The following CNTNAP2 variants were observed in gnomAD, a reference collection of about 807,000 sequenced individuals.
CNTNAP2 encodes the protein contactin-associated protein-like 2.
Under a neutral mutation model 155.2 loss-of-function variants are expected in CNTNAP2, and 98 were observed. The observed-to-expected ratio is 0.63, with a 90% confidence interval of 0.54 to 0.75. The LOEUF (loss-of-function observed/expected upper bound fraction) is 0.75, where lower values mean the gene tolerates loss of function less well. CNTNAP2 is among the 30% of genes least tolerant of loss of function. The pLI is 0.00. For missense variants in CNTNAP2, 1,727 were observed against 1,688.1 expected, an observed-to-expected ratio of 1.02 and a Z score of -0.40; for synonymous variants, 651 against 631.2, an observed-to-expected ratio of 1.03 and a Z score of -0.47.
At chr7:147,979,745 C>T (rs1801489429) in intron 15 of CNTNAP2, among the ~76,000 whole-genome samples, 1 of 152,112 alleles carries the variant, frequency 6.6e-6, no homozygotes, top group Non-Finnish European at 1.5e-5. Flanking sequence ...GCCTCAGCCT[C>T]CCAAGTAGCT....
intron 1 of CNTNAP2, among the ~76,000 whole-genome samples, chr7:146,523,984 G>A (rs1797652193): frequency 6.6e-6 from 1 of 152,078 alleles, no homozygotes. Flanking sequence ...AAAAGTCCGA[G>A]CAAAACTCTG....
chr7:146,830,060 C>T (rs555216703), intron 2 of CNTNAP2, among the ~76,000 whole-genome samples: 1 of 151,966 alleles, frequency 6.6e-6, no homozygotes, highest in Non-Finnish European at 1.5e-5. Context: ...TATCTTCTCC[C>T]AATCTATAGT....
intron 1 of CNTNAP2, among the ~76,000 whole-genome samples, chr7:146,763,148 G>A (rs188397678): frequency 5.0e-4 from 76 of 152,210 alleles, no homozygotes; most frequent in Non-Finnish European, 9.0e-4. Context: ...GCCACTTTCC[G>A]TCCTGTTTAC....
chr7:146,331,992 C>T (rs1465430060), intron 1 of CNTNAP2, among the ~76,000 whole-genome samples: 1 of 151,868 alleles, frequency 6.6e-6, no homozygotes, highest in African/African-American at 2.4e-5. Flanking sequence ...TCTTTAAATT[C>T]TCAGTTATTT....
chr7:146,456,837 C>T (rs113438017), intron 1 of CNTNAP2, among the ~76,000 whole-genome samples: 3,854 of 152,152 alleles, frequency 0.025, 65 homozygotes, highest in Middle Eastern at 0.051. Context: ...CATGCAACAG[C>T]CCATTTGCAA....
At chr7:146,284,727 A>T (rs1463741621) in intron 1 of CNTNAP2, among the ~76,000 whole-genome samples, 6 of 152,204 alleles carry the variant, frequency 3.9e-5, no homozygotes, top group Admixed American at 6.5e-5. Flanking sequence ...ACCTTCTTAA[A>T]GGATGATCAA....
intron 10 of CNTNAP2, among the ~76,000 whole-genome samples, chr7:147,410,908 AG>A (rs1197517966): frequency 6.6e-6 from 1 of 152,210 alleles, no homozygotes; most frequent in Non-Finnish European, 1.5e-5. Flanking sequence ...TTCTCTAGGT[AG>A]TTCCAGCTGG....
At chr7:146,919,801 T>G (rs1796465165) in intron 3 of CNTNAP2, among the ~76,000 whole-genome samples, 1 of 152,164 alleles carries the variant, frequency 6.6e-6, no homozygotes, top group African/African-American at 2.4e-5. Context: ...CCATGGAGCC[T>G]GTAGCAGCAG....
chr7:147,026,325 A>G (rs1239154955), intron 3 of CNTNAP2, among the ~76,000 whole-genome samples: 1 of 152,220 alleles, frequency 6.6e-6, no homozygotes, highest in Non-Finnish European at 1.5e-5. Context: ...GAATACTAAT[A>G]TCAAAAATAT....
At chr7:148,028,271 G>A (rs4571659) in intron 15 of CNTNAP2, among the ~76,000 whole-genome samples, 111,657 of 152,110 alleles carry the variant, frequency 0.73, 41,563 homozygotes, top group East Asian at 0.86. Flanking sequence ...TCTCTCAAGA[G>A]CAAATTCATG....
chr7:147,177,554 T>C (rs1384893519), intron 8 of CNTNAP2, among the ~76,000 whole-genome samples: 1 of 152,212 alleles, frequency 6.6e-6, no homozygotes, highest in African/African-American at 2.4e-5. Flanking sequence ...CATACTAATA[T>C]GTACTTCTAG....
At chr7:146,144,139 ATATTTATT>A (rs531251321) in intron 1 of CNTNAP2, among the ~76,000 whole-genome samples, 7 of 151,414 alleles carry the variant, frequency 4.6e-5, no homozygotes, top group Non-Finnish European at 8.8e-5. Context: ...ACTTCCTAAA[ATATTTATT>A]TATTTATTTA....
rs536169052 is a variant in CNTNAP2, at chr7:148,357,212, G to T, written c.3476-26437G>T. 3.3e-5 allele frequency among the ~76,000 whole-genome samples: 5 copies of T among 152,258 alleles called. No homozygotes were observed. In the South Asian group the frequency reaches 1.0e-3, roughly 32 times the overall value. On this transcript the variant is annotated intron_variant, in intron 21 of 23. Coordinates refer to ENST00000361727, the MANE Select transcript of CNTNAP2 (RefSeq NM_014141.6). ...TTGTGATAGTAAATGAGTCTCATGA[G>T]ATCTGATGGTTTTATAAAGGGGAGT...
intron 4 of CNTNAP2, among the ~76,000 whole-genome samples, chr7:147,093,039 G>T (rs974624223): frequency 6.7e-6 from 1 of 149,888 alleles, no homozygotes; most frequent in Admixed American, 6.7e-5. Context: ...TGGCTAACAC[G>T]GTGAAACCCT....
chr7:146,819,422 C>T (rs1803233761), intron 2 of CNTNAP2, among the ~76,000 whole-genome samples: 1 of 152,130 alleles, frequency 6.6e-6, no homozygotes, highest in Non-Finnish European at 1.5e-5. Flanking sequence ...GAAAACTTTT[C>T]TCCTTGGCTA....
In CNTNAP2 at chr7:148,147,495, C is replaced by T. The variant is rs781008630; in HGVS notation, c.2559C>T (p.Ala853=). The change falls in exon 17 of 24, where the codon GCC becomes GCT. Residue 853 remains alanine, a synonymous_variant. Coordinates refer to ENST00000361727, the MANE Select transcript of CNTNAP2 (RefSeq NM_014141.6). Reference sequence around the variant, plus strand: ...TCATGCTTTCTGCTCCTCCAGCTGCCACAGAAGTGTCCTTTTCATTTGATG... The same window carrying T: ...TCATGCTTTCTGCTCCTCCAGCTGCTACAGAAGTGTCCTTTTCATTTGATG... The part of the protein sequence containing the change: ...EDFIKLELKS[A]TEVSFSFDVG... 6.2e-7 allele frequency: 1 copy of T among 1,614,044 alleles called. No individual in the cohort carries two copies. The highest frequency in any genetic ancestry group is 8.5e-7 in the Non-Finnish European group (1 of 1,179,982).
chr7:146,701,722 T>C (rs1800881439), intron 1 of CNTNAP2, among the ~76,000 whole-genome samples: 1 of 152,152 alleles, frequency 6.6e-6, no homozygotes, highest in Non-Finnish European at 1.5e-5. Flanking sequence ...ACATCTACTT[T>C]GACATCATCC....
At chr7:146,583,496 A>G (rs1310185638) in intron 1 of CNTNAP2, among the ~76,000 whole-genome samples, 2 of 152,186 alleles carry the variant, frequency 1.3e-5, no homozygotes, top group Non-Finnish European at 2.9e-5. Context: ...CTCATCACCA[A>G]AGGAGGGGAG....
In CNTNAP2 at chr7:146,218,510, A is replaced by G. The variant is rs994750956; in HGVS notation, c.97+101537A>G. 1.2e-4 allele frequency among the ~76,000 whole-genome samples: 13 copies of G among 111,254 alleles called. No individual in the cohort carries two copies. In the East Asian group the frequency reaches 4.0e-3, roughly 34 times the overall value. The allele number at this position is 111,254 out of a possible 152,430, so 73.0% of individuals were successfully genotyped here. A position where few individuals can be genotyped will look rare whatever the true frequency, so the allele number is the denominator to read the frequency against. On this transcript the variant is annotated intron_variant, in intron 1 of 23. Coordinates refer to ENST00000361727, the MANE Select transcript of CNTNAP2 (RefSeq NM_014141.6). ...GGTGACAGAGTGAGACTCTGTCTCA[A>G]AAACAAAAACAAAAACAAAAACAAA...
Sources: allele counts gnomAD v4.1 joint callset (sites outside exome capture counted in the v4.1 genomes callset), GRCh38; gene constraint gnomAD v4.1.1; transcripts MANE v1.5; gene names NCBI Gene and HGNC (gene_info 2026-07-23, HGNC 2026-07-21).